MTMR7: variants seen among roughly 807,000 people sequenced by gnomAD.
MTMR7 encodes myotubularin related protein 7.
In MTMR7, 76 loss-of-function variants were observed where a neutral mutation model predicts 81.2. The ratio of observed to expected loss-of-function variants is 0.94; its 90% CI spans 0.78 to 1.13. The LOEUF is 1.13. Ranked by LOEUF, MTMR7 falls within the 50% of genes most tolerant of loss-of-function variation. The pLI, the probability that MTMR7 is intolerant of heterozygous loss-of-function variation, is 0.00. For synonymous variants in MTMR7, 372 were observed against 289.8 expected, an observed-to-expected ratio of 1.28 and a Z score of -2.88; for missense variants, 1,044 against 820.0, an observed-to-expected ratio of 1.27 and a Z score of -3.34.
intron 7 of MTMR7, among the ~76,000 whole-genome samples, chr8:17,313,770 G>GA (rs1233028494): frequency 6.6e-5 from 10 of 152,126 alleles, no homozygotes; most frequent in African/African-American, 2.4e-4. Flanking sequence ...AGTGCTATGA[G>GA]GAAAAAAATC....
intron 7 of MTMR7, among the ~76,000 whole-genome samples, chr8:17,318,692 T>C (rs140215676): frequency 5.4e-4 from 82 of 152,282 alleles, no homozygotes; most frequent in African/African-American, 1.5e-3. Context: ...ACAGGTATTG[T>C]GCATGTTTGG....
At chr8:17,394,098 G>C (rs529403610) in intron 1 of MTMR7, among the ~76,000 whole-genome samples, 3 of 152,258 alleles carry the variant, frequency 2.0e-5, no homozygotes, top group Non-Finnish European at 4.4e-5. Context: ...ATCACTGTTA[G>C]GAATATAAAA....
intron 1 of MTMR7, among the ~76,000 whole-genome samples, chr8:17,408,766 A>G (rs1318383064): frequency 6.6e-6 from 1 of 152,220 alleles, no homozygotes; most frequent in Non-Finnish European, 1.5e-5. Context: ...GTAGAGAAGT[A>G]TAAGATATTA....
Position 17,300,157 on chromosome 8 carries a change from C to G in MTMR7, c.1688G>C (p.Ser563Thr). 1 of 1,614,146 alleles carries G rather than the reference C, an allele frequency of 6.2e-7. No individual in the cohort carries two copies. Among genetic ancestry groups the G allele is most frequent in the Non-Finnish European group, 8.5e-7 (1 of 1,179,998 alleles). Residue 563 changes from serine to threonine, a missense_variant, in exon 14 of 14, where the codon AGC becomes ACC. By Grantham distance (58) the Ser-to-Thr change is moderately conservative. Transcript: ENST00000180173. ...TKVKSKQSEP[S>T]KHSGFSTSDN... ...TGAGGTAGAAAACCCTGAGTGCTTG[C>G]TGGGCTCACTTTGCTTACTCTTCAC...
intron 10 of MTMR7, among the ~76,000 whole-genome samples, 196 bp downstream of exon 10, chr8:17,309,081 C>A (rs922244827): frequency 2.0e-4 from 31 of 152,186 alleles, no homozygotes; most frequent in Non-Finnish European, 4.1e-4. Flanking sequence ...TTAGTTAGTT[C>A]TGCCCAACTG....
At chr8:17,405,915 C>A (rs35970798) in intron 1 of MTMR7, among the ~76,000 whole-genome samples, 60,547 of 151,228 alleles carry the variant, frequency 0.4, 14,081 homozygotes, top group Admixed American at 0.58. Context: ...TTTTAAATTA[C>A]ACTGTTTTAT....
chr8:17,369,361 C>T (rs1820336367), intron 3 of MTMR7, among the ~76,000 whole-genome samples: 1 of 152,182 alleles, frequency 6.6e-6, no homozygotes, highest in Non-Finnish European at 1.5e-5. Flanking sequence ...CAGATTTTGA[C>T]AGCTCCCTGG....
At position 17,299,413 on chromosome 8, in the gene MTMR7, T is replaced by C. The variant is rs896124653; in HGVS notation, c.*449A>G. Reference sequence around the variant, plus strand: ...ATGTGCCTGTTTTTAGAAATATGTATAAGAGGGTCGGAAAGGAGGATAATG... The same window carrying C: ...ATGTGCCTGTTTTTAGAAATATGTACAAGAGGGTCGGAAAGGAGGATAATG... On this transcript the variant is annotated 3_prime_UTR_variant, in exon 14 of 14. Transcript: ENST00000180173. 9 of 159,322 alleles carry C rather than the reference T, an allele frequency of 5.6e-5. No homozygotes were observed. Among genetic ancestry groups the C allele is most frequent in the African/African-American group, 2.2e-4 (9 of 41,494 alleles). The allele number at this position is 159,322 out of a possible 1,614,324, so 9.9% of individuals were successfully genotyped here. A position where few individuals can be genotyped will look rare whatever the true frequency, so the allele number is the denominator to read the frequency against.
At chr8:17,369,672 G>C (rs750016782) in intron 3 of MTMR7, among the ~76,000 whole-genome samples, 14 of 118,364 alleles carry the variant, frequency 1.2e-4, no homozygotes, top group African/African-American at 4.1e-4. Context: ...TTGAAACAGA[G>C]TCTCGTTCTG....
Position 17,335,629 on chromosome 8 carries a change from C to T in MTMR7, c.733-4347G>A, listed in dbSNP as rs560275689. ...TGCCCTAACACAGGTGGTCAAATGA[C>T]GGTCTTTCTCTCTCCCTCCTATATA... On this transcript the variant is annotated intron_variant, in intron 6 of 13. Coordinates refer to ENST00000180173, the MANE Select transcript of MTMR7 (RefSeq NM_004686.5). Among the ~76,000 whole-genome samples the T allele has an allele frequency of 7.9e-5, 12 of 152,278 alleles. No homozygotes were observed. The East Asian group carries it at 1.9e-3, about 25-fold the overall frequency.
At chr8:17,366,303 G>T (rs1245043741) in intron 3 of MTMR7, among the ~76,000 whole-genome samples, 3 of 152,078 alleles carry the variant, frequency 2.0e-5, no homozygotes, top group East Asian at 3.9e-4. Flanking sequence ...CAAGTTAAAG[G>T]TTATAAAAAC....
intron 12 of MTMR7, 145 bp downstream of exon 12, chr8:17,304,234 A>C (rs1817307105): frequency 2.5e-6 from 2 of 812,622 alleles, no homozygotes; most frequent in South Asian, 7.4e-5. Context: ...ATACCAGATC[A>C]GATATTCAAG....
intron 13 of MTMR7, among the ~76,000 whole-genome samples, chr8:17,300,797 T>A (rs985013429): frequency 1.3e-5 from 2 of 152,236 alleles, no homozygotes; most frequent in Admixed American, 1.3e-4. Flanking sequence ...AGCCCCTGGC[T>A]ACTACTGATC....
rs547545919 is a variant in MTMR7, at chr8:17,350,402, G to A, written c.469-1321C>T. Among the ~76,000 whole-genome samples the A allele has an allele frequency of 3.3e-5, 5 of 152,354 alleles. No homozygotes were observed. The South Asian group carries it at 1.0e-3, about 32-fold the overall frequency. On this transcript the variant is annotated intron_variant, in intron 4 of 13. Coordinates refer to ENST00000180173, the MANE Select transcript of MTMR7 (RefSeq NM_004686.5). The stretch of plus-strand genomic sequence containing the variant: ...GAGGAGCAGAGGCACGTCTTACGTG[G>A]TAGCAGGCAAGACAGCGTGTGTAGG...
chr8:17,299,919 C>A lies in MTMR7; in HGVS notation c.1926G>T (p.Pro642=), dbSNP rs772447235. The A allele has an allele frequency of 6.2e-7, 1 of 1,614,138 alleles. No individual in the cohort carries two copies. The highest frequency in any genetic ancestry group is 8.5e-7 in the Non-Finnish European group (1 of 1,180,012). Residue 642 remains proline, a synonymous_variant, in exon 14 of 14, where the codon CCG becomes CCT. Transcript: ENST00000180173. ...CCCGGTCCTTGCCACTATCTTCACT[C>A]GGTGCATGCTCACCACCACTTGGAG... ...CRSPSGGEHA[P]SEDSGKDRDS... is the part of the protein sequence containing the mutation.
intron 12 of MTMR7, 117 bp downstream of exon 12, chr8:17,304,261 CT>C: frequency 8.6e-7 from 1 of 1,165,988 alleles, no homozygotes; most frequent in East Asian, 2.5e-5. Flanking sequence ...CCTCTGGTGT[CT>C]TTTGTGTCCA....
chr8:17,304,842 T>C (rs983902838), intron 11 of MTMR7, among the ~76,000 whole-genome samples: 1 of 151,986 alleles, frequency 6.6e-6, no homozygotes, highest in African/African-American at 2.4e-5. Context: ...CACACTATTC[T>C]AAATGTTCCA....
At chr8:17,361,786 G>A (rs955338981) in intron 3 of MTMR7, among the ~76,000 whole-genome samples, 15 of 152,276 alleles carry the variant, frequency 9.9e-5, no homozygotes, top group Admixed American at 7.2e-4. Flanking sequence ...CTAAACGTTT[G>A]CATTGGAAAC....
chr8:17,336,706 A>G (rs780088590), intron 6 of MTMR7, among the ~76,000 whole-genome samples: 1 of 152,306 alleles, frequency 6.6e-6, no homozygotes, highest in African/African-American at 2.4e-5. Context: ...TCACGGAGGC[A>G]AGCGCTGCCT....
Sources: allele counts gnomAD v4.1 joint callset (sites outside exome capture counted in the v4.1 genomes callset), GRCh38; gene constraint gnomAD v4.1.1; transcripts MANE v1.5; gene names NCBI Gene and HGNC (gene_info 2026-07-23, HGNC 2026-07-21).